The following TRPC6 variants were observed in gnomAD, a reference collection of about 807,000 sequenced individuals.
TRPC6 encodes the protein transient receptor potential cation channel subfamily C member 6, also known as short transient receptor potential channel 6.
A neutral mutation model predicts 90.7 loss-of-function variants in TRPC6; 55 were observed. That is an observed-to-expected ratio of 0.61 (90% CI 0.49 to 0.76). The LOEUF is 0.76. TRPC6 is among the 30% of genes least tolerant of loss of function. The probability of loss-of-function intolerance (pLI) is 0.00; values close to 1 mark genes in which losing one functional copy is unlikely to be tolerated. For synonymous variants in TRPC6, 393 were observed against 393.0 expected (o/e 1.00, Z 0.00); for missense variants, 989 against 1,122.7 (o/e 0.88, Z 1.70).
In TRPC6 at chr11:101,484,876, T is replaced by C. The variant is rs550122402; in HGVS notation, c.1294-1711A>G. On this transcript the variant is annotated intron_variant, in intron 4 of 12. Transcript: ENST00000344327. ...TTAAATTGACATATATTTGTACATATTTATGGGCGGTATATAGTGATGTGT... is the reference window on the plus strand; with the variant it reads ...TTAAATTGACATATATTTGTACATACTTATGGGCGGTATATAGTGATGTGT... Among the ~76,000 whole-genome samples, 41 of 152,184 alleles carry C rather than the reference T, an allele frequency of 2.7e-4. 1 individual carries two copies. Among genetic ancestry groups the C allele is most frequent in the Admixed American group, 2.0e-3 (30 of 15,258 alleles).
chr11:101,465,882 G>C (rs985940508), intron 10 of TRPC6, among the ~76,000 whole-genome samples: 1 of 152,110 alleles, frequency 6.6e-6, no homozygotes, highest in Non-Finnish European at 1.5e-5. Flanking sequence ...CTGGTTTTTG[G>C]AATTTTCAGC....
chr11:101,470,312 A>G (rs1234583397), intron 9 of TRPC6, among the ~76,000 whole-genome samples: 1 of 152,208 alleles, frequency 6.6e-6, no homozygotes, highest in Non-Finnish European at 1.5e-5. Context: ...AAACAAGTGT[A>G]CTTCCTAATT....
intron 1 of TRPC6, among the ~76,000 whole-genome samples, chr11:101,507,392 T>G (rs1293715345): frequency 6.6e-6 from 1 of 151,950 alleles, no homozygotes; most frequent in African/African-American, 2.4e-5. Flanking sequence ...GATGCATGTA[T>G]GTTCTCTTTG....
intron 12 of TRPC6, among the ~76,000 whole-genome samples, chr11:101,453,333 TA>T (rs1333290693): frequency 6.6e-6 from 1 of 152,102 alleles, no homozygotes; most frequent in Non-Finnish European, 1.5e-5. Context: ...TAAAGTAAGT[TA>T]AAACAAAAAG....
At chr11:101,549,694 C>A (rs1861409496) in intron 1 of TRPC6, among the ~76,000 whole-genome samples, 1 of 127,500 alleles carries the variant, frequency 7.8e-6, no homozygotes. Context: ...TGGAATATTT[C>A]AAAATAAATA....
At chr11:101,501,735 G>A (rs1343347110) in intron 2 of TRPC6, among the ~76,000 whole-genome samples, 1 of 152,044 alleles carries the variant, frequency 6.6e-6, no homozygotes, top group Non-Finnish European at 1.5e-5. Flanking sequence ...GTTTGTTTTT[G>A]TAAAAAGGCC....
chr11:101,521,705 C>T (rs1389317008), intron 1 of TRPC6, among the ~76,000 whole-genome samples: 2 of 152,244 alleles, frequency 1.3e-5, no homozygotes, highest in Non-Finnish European at 1.5e-5. Flanking sequence ...GGGAACTAAA[C>T]TTTGCTGAGC....
chr11:101,531,908 T>C (rs1475066404), intron 1 of TRPC6, among the ~76,000 whole-genome samples: 1 of 152,200 alleles, frequency 6.6e-6, no homozygotes, highest in Non-Finnish European at 1.5e-5. Flanking sequence ...CTCTCCTATC[T>C]GCCTGTTTTA....
Position 101,453,059 on chromosome 11 carries a change from G to C in TRPC6, c.2692C>G (p.Leu898Val). The C allele has an allele frequency of 6.2e-7, 1 of 1,613,824 alleles. No homozygotes were observed. Among genetic ancestry groups the C allele is most frequent in the Non-Finnish European group, 8.5e-7 (1 of 1,179,814 alleles). ...KQDISSLRYE[L>V]LEEKSQNTED... The stretch of plus-strand genomic sequence containing the variant: ...GTATTCTGAGATTTTTCTTCAAGGA[G>C]TTCATAGCGGAGACTTGAGATGTCC... Residue 898 changes from leucine to valine, a missense_variant, in exon 13 of 13, where the codon CTC (leucine) becomes GTC (valine). Leu to Val is a conservative substitution (Grantham distance 32). This residue lies in a region of TRPC6 where 191 missense variants were observed against 196.7 expected (regional missense o/e 0.97). Coordinates refer to ENST00000344327, the MANE Select transcript of TRPC6 (RefSeq NM_004621.6).
chr11:101,473,398 T>C (rs1859338499), intron 7 of TRPC6, 111 bp downstream of exon 7: 1 of 1,267,732 alleles, frequency 7.9e-7, no homozygotes, highest in Admixed American at 2.1e-5. Context: ...AAACAGGAAC[T>C]AGAGATGAAG....
chr11:101,541,466 A>G, intron 1 of TRPC6, among the ~76,000 whole-genome samples: 1 of 152,198 alleles, frequency 6.6e-6, no homozygotes, highest in East Asian at 1.9e-4. Flanking sequence ...GTTTCAAGCG[A>G]TTCTCCTGCC....
At chr11:101,476,635 A>G in intron 5 of TRPC6, 101 bp from the exon 6 acceptor site, 1 of 1,120,306 alleles carries the variant, frequency 8.9e-7, no homozygotes, top group Non-Finnish European at 1.3e-6. Context: ...ACATTACAAA[A>G]CCCTTCAAAA....
At chr11:101,581,332 A>T (rs1249867364) in intron 1 of TRPC6, among the ~76,000 whole-genome samples, 2 of 152,236 alleles carry the variant, frequency 1.3e-5, no homozygotes, top group Non-Finnish European at 2.9e-5. Context: ...AATTAGACAA[A>T]TTAGGCAGTA....
chr11:101,570,188 G>A (rs80352229), intron 1 of TRPC6, among the ~76,000 whole-genome samples: 5 of 151,896 alleles, frequency 3.3e-5, no homozygotes, highest in South Asian at 2.1e-4. Flanking sequence ...TGATAAAGGG[G>A]ATATTACCAC....
Position 101,536,751 on chromosome 11 carries a change from C to T in TRPC6, c.171-31953G>A, listed in dbSNP as rs953861235. On this transcript the variant is annotated intron_variant, in intron 1 of 12. Transcript: ENST00000344327. ...TAGTCAGGGGCGAGAGCATTCAGGC[C>T]GCTGTACCATTCTTAGGATTCTGGG... Among the ~76,000 whole-genome samples the T allele has an allele frequency of 1.3e-4, 20 of 152,056 alleles. No homozygotes were observed. The East Asian group carries it at 1.7e-3, about 13-fold the overall frequency.
intron 4 of TRPC6, among the ~76,000 whole-genome samples, chr11:101,486,272 C>T (rs895147361): frequency 6.6e-6 from 1 of 151,952 alleles, no homozygotes; most frequent in Non-Finnish European, 1.5e-5. Flanking sequence ...GGGAGTTATC[C>T]TTTTTGGTAA....
chr11:101,514,614 G>C (rs954991937), intron 1 of TRPC6, among the ~76,000 whole-genome samples: 1 of 152,188 alleles, frequency 6.6e-6, no homozygotes, highest in Non-Finnish European at 1.5e-5. Context: ...TAGCACTCAG[G>C]TTTAGAAGCT....
intron 1 of TRPC6, among the ~76,000 whole-genome samples, chr11:101,545,144 G>T (rs1274682140): frequency 1.3e-5 from 2 of 151,950 alleles, no homozygotes; most frequent in Non-Finnish European, 2.9e-5. Flanking sequence ...TATACAGTCA[G>T]CCCTATGTAT....
Position 101,505,973 on chromosome 11 carries a change from C to G in TRPC6, c.171-1175G>C, listed in dbSNP as rs571418302. 2.2e-4 allele frequency among the ~76,000 whole-genome samples: 32 copies of G among 147,388 alleles called. 1 individual carries two copies. Among genetic ancestry groups the G allele is most frequent in the Non-Finnish European group, 7.4e-5 (5 of 67,318 alleles). ...GCTGCAGAGAGCCATGACTATGCCT[C>G]TGCACTCCAGCCTGGGTGATAGAAC... On this transcript the variant is annotated intron_variant, in intron 1 of 12. Coordinates refer to ENST00000344327, the MANE Select transcript of TRPC6 (RefSeq NM_004621.6).
Sources: gnomAD v4.1 joint callset for allele counts (sites outside exome capture counted in the v4.1 genomes callset) on GRCh38, gnomAD v4.1.1 for gene constraint, gnomAD v4.1.1 regional missense constraint, MANE v1.5 for transcripts, NCBI Gene and HGNC (gene_info 2026-07-23, HGNC 2026-07-21) for gene names.